KATNAL2: variants seen among roughly 807,000 people sequenced by gnomAD.
KATNAL2 encodes the protein katanin catalytic subunit A1 like 2, also known as katanin p60 ATPase-containing subunit A-like 2.
A neutral mutation model predicts 76.3 loss-of-function variants in KATNAL2; 52 were observed. The ratio of observed to expected loss-of-function variants is 0.68; its 90% CI spans 0.55 to 0.86. The LOEUF is 0.86. KATNAL2 is among the 40% of genes least tolerant of loss of function. The pLI, the probability that KATNAL2 is intolerant of heterozygous loss-of-function variation, is 0.00. For synonymous variants in KATNAL2, 243 were observed against 244.2 expected, an observed-to-expected ratio of 1.00 and a Z score of 0.05; for missense variants, 660 against 668.9, an observed-to-expected ratio of 0.99 and a Z score of 0.15.
At chr18:47,098,287 GA>G (rs754891099) in intron 15 of KATNAL2, 141 of 293,410 alleles carry the variant, frequency 4.8e-4, no homozygotes, top group Admixed American at 7.0e-4. Flanking sequence ...AGACTGGGAA[GA>G]AAAAAAAATT....
At position 47,099,418 on chromosome 18, in the gene KATNAL2, G is replaced by C. The variant is rs764177905; in HGVS notation, c.1374+13G>C. 6.2e-7 allele frequency: 1 copy of C among 1,600,650 alleles called. No individual in the cohort carries two copies. Among genetic ancestry groups the C allele is most frequent in the Non-Finnish European group, 8.5e-7 (1 of 1,171,738 alleles). The stretch of plus-strand genomic sequence containing the variant: ...TGTGCTGAGCCAGGTCAGCTGCCCT[G>C]GAGAGGGGCACATGTAGGTCAAGGG... On this transcript the variant is annotated intron_variant, in intron 16 of 17. Coordinates refer to ENST00000683218, the MANE Select transcript of KATNAL2 (RefSeq NM_001387690.1).
intron 3 of KATNAL2, among the ~76,000 whole-genome samples, chr18:47,041,003 C>A (rs947448884): frequency 1.3e-5 from 2 of 152,104 alleles, no homozygotes; most frequent in Non-Finnish European, 2.9e-5. Flanking sequence ...CATAAACATC[C>A]ATTTAAAAGC....
At chr18:47,070,119 G>A (rs573640854) in intron 13 of KATNAL2, among the ~76,000 whole-genome samples, 12 of 124,514 alleles carry the variant, frequency 9.6e-5, no homozygotes, top group Non-Finnish European at 1.8e-4. Context: ...TTTTTTAGAC[G>A]AAGTCTCGCT....
At chr18:47,046,422 T>C (rs1373436419) in intron 3 of KATNAL2, 35 bp from the exon 4 acceptor site, 13 of 1,440,658 alleles carry the variant, frequency 9.0e-6, no homozygotes, top group Middle Eastern at 1.7e-4. Context: ...TGTTATTTTT[T>C]GTTGTCATCC....
At chr18:47,040,375 T>C (rs950536505) in intron 3 of KATNAL2, among the ~76,000 whole-genome samples, 2 of 152,186 alleles carry the variant, frequency 1.3e-5, no homozygotes, top group African/African-American at 4.8e-5. Context: ...TGAAATGATA[T>C]AAAGTAGAAG....
At position 47,077,351 on chromosome 18, in the gene KATNAL2, G is replaced by A. The variant is rs1179494062; in HGVS notation, c.1101G>A (p.Gly367=). 3.7e-6 allele frequency: 6 copies of A among 1,611,570 alleles called. No individual in the cohort carries two copies. Among genetic ancestry groups the A allele is most frequent in the Non-Finnish European group, 5.1e-6 (6 of 1,177,716 alleles). ...AGAATCACGTCTTGTCTCTCTGTAG[G>A]GGAGAACATGAAGGAAGCCTGCGGA... ...SVMSQRGTAS[G]GEHEGSLRMK... is the part of the protein sequence containing the mutation. The change falls in exon 15 of 18, where the codon GGG becomes GGA. Residue 367 remains glycine, a splice_region_variant and synonymous_variant. Transcript: ENST00000683218.
chr18:47,063,440 A>C, intron 10 of KATNAL2, 79 bp downstream of exon 10: 1 of 980,336 alleles, frequency 1.0e-6, no homozygotes, highest in Non-Finnish European at 1.6e-6. Context: ...TTCTTTTATT[A>C]ATAACAATAA....
At chr18:47,047,720 C>CTT (rs58029086) in intron 4 of KATNAL2, among the ~76,000 whole-genome samples, 2 of 147,356 alleles carry the variant, frequency 1.4e-5, no homozygotes, top group Non-Finnish European at 3.0e-5. Context: ...AGCTTACAAA[C>CTT]TTTTTTTTTT....
At chr18:47,068,944 G>A (rs2061902890) in intron 11 of KATNAL2, among the ~76,000 whole-genome samples, 1 of 152,202 alleles carries the variant, frequency 6.6e-6, no homozygotes, top group African/African-American at 2.4e-5. Flanking sequence ...GTTTAACGGA[G>A]AGGAAGAAAT....
chr18:47,096,233 T>G (rs1275818704), intron 15 of KATNAL2, among the ~76,000 whole-genome samples: 1 of 152,180 alleles, frequency 6.6e-6, no homozygotes, highest in East Asian at 1.9e-4. Flanking sequence ...GTAACATAGA[T>G]TCAGAATGAG....
At chr18:47,100,409 C>CTGCTGGTGAGAGGGATTT in intron 17 of KATNAL2, 53 bp downstream of exon 17, 3 of 1,460,842 alleles carry the variant, frequency 2.1e-6, no homozygotes, top group Non-Finnish European at 2.9e-6. Context: ...AAAAATCCCT[C>CTGCTGGTGAGAGGGATTT]TCACCAGCAG....
intron 15 of KATNAL2, among the ~76,000 whole-genome samples, chr18:47,084,802 T>A (rs751184372): frequency 7.6e-6 from 1 of 131,376 alleles, no homozygotes; most frequent in Admixed American, 9.1e-5. Flanking sequence ...TGAGTTGAGA[T>A]TGCACCACTG....
In KATNAL2 at chr18:47,054,409, A is replaced by G. The variant is rs777765018; in HGVS notation, c.303A>G (p.Leu101=). 6.2e-7 allele frequency: 1 copy of G among 1,613,402 alleles called. No individual in the cohort carries two copies. The highest frequency in any genetic ancestry group is 2.2e-5 in the East Asian group (1 of 44,888). Residue 101 remains leucine, a synonymous_variant, in exon 6 of 18, where the codon TTA becomes TTG. Coordinates refer to ENST00000683218, the MANE Select transcript of KATNAL2 (RefSeq NM_001387690.1). ...KKSSDTAENN[L]PQRSRGKTRR... is the part of the protein sequence containing the mutation. Reference sequence around the variant, plus strand: ...GTTTTGTCACAGCAGAAAATAATTTACCGCAAAGAAGTAGAGGGAAGACCA... The same window carrying G: ...GTTTTGTCACAGCAGAAAATAATTTGCCGCAAAGAAGTAGAGGGAAGACCA...
At chr18:46,920,037 G>A in intron 1 of KATNAL2, 2 of 1,287,190 alleles carry the variant, frequency 1.6e-6, no homozygotes, top group Non-Finnish European at 2.0e-6. Context: ...GAAAAGAAAA[G>A]CAAAGCCCCA....
intron 1 of KATNAL2, among the ~76,000 whole-genome samples, chr18:46,918,201 GC>G (rs770321376): frequency 6.6e-6 from 1 of 152,028 alleles, no homozygotes; most frequent in Non-Finnish European, 1.5e-5. Flanking sequence ...AAGCTTGATG[GC>G]CCCCCCGTAA....
At chr18:47,059,234 A>T (rs55877804) in intron 7 of KATNAL2, among the ~76,000 whole-genome samples, 1,819 of 152,006 alleles carry the variant, frequency 0.012, 21 homozygotes, top group Non-Finnish European at 0.018. Context: ...GGCCAAAAAC[A>T]CCCCTGATCA....
At chr18:46,919,315 C>G (rs573531965) in intron 1 of KATNAL2, among the ~76,000 whole-genome samples, 1 of 151,946 alleles carries the variant, frequency 6.6e-6, no homozygotes. Flanking sequence ...GGAGAAACCC[C>G]GTCTCCACCA....
intron 3 of KATNAL2, among the ~76,000 whole-genome samples, chr18:46,948,548 C>G (rs753310878): frequency 2.7e-4 from 41 of 151,416 alleles, no homozygotes; most frequent in Non-Finnish European, 5.3e-4. Flanking sequence ...CCTCAGCCTC[C>G]CGAGTACCTG....
At chr18:46,947,636 A>G (rs1038303606) in intron 3 of KATNAL2, among the ~76,000 whole-genome samples, 1 of 152,194 alleles carries the variant, frequency 6.6e-6, no homozygotes, top group Non-Finnish European at 1.5e-5. Context: ...CCTGGATCTC[A>G]TTCCTAGAGG....
Sources: allele counts gnomAD v4.1 joint callset (sites outside exome capture counted in the v4.1 genomes callset), GRCh38; gene constraint gnomAD v4.1.1; transcripts MANE v1.5; gene names NCBI Gene and HGNC (gene_info 2026-07-23, HGNC 2026-07-21).